Variants in FGF14 observed in about 807,000 individuals in gnomAD.
The protein encoded by FGF14 is fibroblast growth factor 14.
Under a neutral mutation model 25.5 loss-of-function variants are expected in FGF14, and 5 were observed. That is an observed-to-expected ratio of 0.20 (90% CI 0.10 to 0.41). The LOEUF (loss-of-function observed/expected upper bound fraction) is 0.41. FGF14 is among the 10% of genes least tolerant of loss of function. The pLI, the probability that FGF14 is intolerant of heterozygous loss-of-function variation, is 1.00. For synonymous variants in FGF14, 138 were observed against 118.3 expected (o/e 1.17, Z -1.08); for missense variants, 222 against 320.1 (o/e 0.69, Z 2.34).
At chr13:102,087,024 T>C (rs531850020) in intron 1 of FGF14, among the ~76,000 whole-genome samples, 1 of 152,318 alleles carries the variant, frequency 6.6e-6, no homozygotes, top group South Asian at 2.1e-4. Context: ...GCTTGTAGCA[T>C]TTGAGGTCAA....
intron 1 of FGF14, among the ~76,000 whole-genome samples, chr13:102,239,621 A>G (rs977735823): frequency 5.9e-5 from 9 of 152,208 alleles, no homozygotes; most frequent in Non-Finnish European, 1.5e-5. Context: ...AAAAATAAAG[A>G]TTATGAAATA....
intron 3 of FGF14, among the ~76,000 whole-genome samples, chr13:101,734,560 CAAG>C (rs1158035108): frequency 1.3e-5 from 2 of 152,116 alleles, no homozygotes; most frequent in Admixed American, 1.3e-4. Context: ...TAAATATGCT[CAAG>C]AAAGTATTAA....
At chr13:101,910,837 C>CGTGTGTGTGTGTGTGT (rs59758881) in intron 1 of FGF14, among the ~76,000 whole-genome samples, 3 of 129,222 alleles carry the variant, frequency 2.3e-5, no homozygotes, top group Non-Finnish European at 5.0e-5. Context: ...GATTTGGATT[C>CGTGTGTGTGTGTGTGT]GTGTGTGTGT....
intron 1 of FGF14, among the ~76,000 whole-genome samples, chr13:101,946,710 TTTAA>T (rs1346402423): frequency 4.1e-4 from 63 of 152,302 alleles, no homozygotes; most frequent in African/African-American, 1.4e-3. Flanking sequence ...GGGACTACTT[TTTAA>T]GAATACAAAC....
intron 3 of FGF14, among the ~76,000 whole-genome samples, chr13:101,861,431 G>C (rs147668699): frequency 3.2e-4 from 49 of 152,256 alleles, no homozygotes; most frequent in African/African-American, 1.1e-3. Context: ...CAGATGAGCT[G>C]TGACTCTGCT....
intron 3 of FGF14, among the ~76,000 whole-genome samples, chr13:101,777,344 C>T (rs142435355): frequency 5.9e-5 from 9 of 152,184 alleles, no homozygotes; most frequent in South Asian, 2.1e-4. Context: ...TAGTGAGTAA[C>T]GGAGGAAGAG....
At chr13:102,326,633 G>T (rs1594858376) in intron 1 of FGF14, among the ~76,000 whole-genome samples, 1 of 139,238 alleles carries the variant, frequency 7.2e-6, no homozygotes, top group Non-Finnish European at 1.5e-5. Flanking sequence ...AGGAGGGAAA[G>T]GGAGGGAAAG....
intron 1 of FGF14, among the ~76,000 whole-genome samples, chr13:101,985,187 A>G (rs1186512414): frequency 6.6e-6 from 1 of 151,652 alleles, no homozygotes; most frequent in Non-Finnish European, 1.5e-5. Flanking sequence ...TACTTTTATC[A>G]TCTTCAAAAA....
chr13:102,020,291 G>A (rs764417433), intron 1 of FGF14, among the ~76,000 whole-genome samples: 2 of 152,274 alleles, frequency 1.3e-5, no homozygotes, highest in Admixed American at 1.3e-4. Context: ...GCTCATGCCT[G>A]TAATCCCAGC....
At chr13:102,369,616 G>A (rs1270127911) in intron 1 of FGF14, among the ~76,000 whole-genome samples, 1 of 152,114 alleles carries the variant, frequency 6.6e-6, no homozygotes, top group African/African-American at 2.4e-5. Context: ...GTTATCCATT[G>A]CTGCCTTAGA....
intron 3 of FGF14, among the ~76,000 whole-genome samples, chr13:101,825,903 A>G (rs1032828541): frequency 6.6e-6 from 1 of 152,156 alleles, no homozygotes; most frequent in Non-Finnish European, 1.5e-5. Flanking sequence ...AGTTTTTGAA[A>G]ATAAGAATCA....
At chr13:102,137,737 T>C (rs1216981968) in intron 1 of FGF14, among the ~76,000 whole-genome samples, 1 of 152,114 alleles carries the variant, frequency 6.6e-6, no homozygotes, top group Non-Finnish European at 1.5e-5. Flanking sequence ...ACAAACCTTG[T>C]GAAATTTATA....
chr13:102,013,359 A>G (rs1165630028), intron 1 of FGF14, among the ~76,000 whole-genome samples: 1 of 152,162 alleles, frequency 6.6e-6, no homozygotes, highest in Non-Finnish European at 1.5e-5. Context: ...CATGAGAATA[A>G]ATGTTAAAAA....
At chr13:101,821,041 G>T (rs528631882) in intron 3 of FGF14, among the ~76,000 whole-genome samples, 1 of 146,534 alleles carries the variant, frequency 6.8e-6, no homozygotes. Context: ...TCCGCCCCCC[G>T]GGATTCACGC....
At chr13:101,785,559 GTTAAAC>G (rs1447484022) in intron 3 of FGF14, among the ~76,000 whole-genome samples, 1 of 152,152 alleles carries the variant, frequency 6.6e-6, no homozygotes, top group East Asian at 1.9e-4. Flanking sequence ...GGTACTACAA[GTTAAAC>G]TTTAAGTTTA....
intron 1 of FGF14, among the ~76,000 whole-genome samples, chr13:102,374,678 A>G (rs1400468025): frequency 1.0e-5 from 1 of 97,044 alleles, no homozygotes; most frequent in Non-Finnish European, 2.2e-5. Flanking sequence ...ATATATATAT[A>G]TATATATATA....
At chr13:102,276,351 G>A (rs1354518812) in intron 1 of FGF14, among the ~76,000 whole-genome samples, 77 of 41,636 alleles carry the variant, frequency 1.8e-3, no homozygotes, top group African/African-American at 5.0e-3. Context: ...GTGTGTGTGT[G>A]TGTATATATA....
chr13:102,137,769 T>C, intron 1 of FGF14, among the ~76,000 whole-genome samples: 1 of 152,032 alleles, frequency 6.6e-6, no homozygotes, highest in South Asian at 2.1e-4. Context: ...ATTGTGTTAT[T>C]GTCTTTTAGG....
chr13:101,862,025 G>A (rs1037378075), intron 3 of FGF14, among the ~76,000 whole-genome samples: 1 of 152,090 alleles, frequency 6.6e-6, no homozygotes, highest in Non-Finnish European at 1.5e-5. Flanking sequence ...TTTGGGAAGG[G>A]GAAATAGGTG....
Sources: gnomAD v4.1 joint callset for allele counts (sites outside exome capture counted in the v4.1 genomes callset) on GRCh38, gnomAD v4.1.1 for gene constraint, MANE v1.5 for transcripts, NCBI Gene and HGNC (gene_info 2026-07-23, HGNC 2026-07-21) for gene names.